LIPC: variants seen among roughly 807,000 people sequenced by gnomAD.
LIPC encodes the protein hepatic triacylglycerol lipase.
In LIPC, 44 loss-of-function variants were observed where a neutral mutation model predicts 50.7. The observed-to-expected ratio is 0.87, with a 90% CI of 0.68 to 1.11. LIPC has a LOEUF of 1.11. Among genes scored for constraint, LIPC ranks in the 50% most tolerant of loss-of-function variants. The probability of loss-of-function intolerance (pLI) is 0.00; values close to 1 mark genes in which losing one functional copy is unlikely to be tolerated. For missense variants in LIPC, 697 were observed against 648.2 expected, an observed-to-expected ratio of 1.08 and a Z score of -0.82; for synonymous variants, 271 against 256.4, an observed-to-expected ratio of 1.06 and a Z score of -0.54.
intron 1 of LIPC, among the ~76,000 whole-genome samples, chr15:58,478,091 A>G (rs1891059722): frequency 6.6e-6 from 1 of 152,072 alleles, no homozygotes; most frequent in African/African-American, 2.4e-5. Context: ...AGCTTGGCCC[A>G]TCCTAAAGCC....
intron 1 of LIPC, among the ~76,000 whole-genome samples, chr15:58,437,236 C>T (rs2140630103): frequency 6.6e-6 from 1 of 152,174 alleles, no homozygotes; most frequent in Middle Eastern, 3.4e-3. Context: ...GTGCCCAAGG[C>T]TGTGTGTGTG....
intron 1 of LIPC, among the ~76,000 whole-genome samples, chr15:58,449,351 A>T (rs1893819838): frequency 6.6e-6 from 1 of 152,140 alleles, no homozygotes; most frequent in African/African-American, 2.4e-5. Flanking sequence ...TCTCCTTCTC[A>T]TTTGATGGCT....
At chr15:58,467,164 A>C (rs1418853509) in intron 1 of LIPC, among the ~76,000 whole-genome samples, 1 of 152,202 alleles carries the variant, frequency 6.6e-6, no homozygotes, top group Non-Finnish European at 1.5e-5. Context: ...AATCCAGTAG[A>C]CCAATGAAGC....
rs11443674 is a variant in LIPC, at chr15:58,528,140, C to CAA, written c.89-10178_89-10177dup. ...GAGTGACAAGAGCAAAACTCTGTCT[C>CAA]AAAAAAAAAAAAAAAAGAATAACCT... On this transcript the variant is annotated intron_variant, in intron 1 of 8. Coordinates refer to ENST00000299022, the MANE Select transcript of LIPC (RefSeq NM_000236.3). 8.9e-3 allele frequency among the ~76,000 whole-genome samples: 1,219 copies of CAA among 137,694 alleles called. 11 individuals carry two copies. Among genetic ancestry groups the CAA allele is most frequent in the African/African-American group, 0.024 (879 of 36,992 alleles). 90.3% of individuals were successfully genotyped at this position (137,694 alleles called of 152,430 possible).
intron 1 of LIPC, among the ~76,000 whole-genome samples, chr15:58,502,376 C>T (rs1008397318): frequency 2.0e-5 from 3 of 152,056 alleles, no homozygotes; most frequent in Admixed American, 6.6e-5. Flanking sequence ...GCTGCCATCC[C>T]GAGTTTTACC....
At chr15:58,530,879 G>A (rs1254363379) in intron 1 of LIPC, among the ~76,000 whole-genome samples, 1 of 152,194 alleles carries the variant, frequency 6.6e-6, no homozygotes, top group African/African-American at 2.4e-5. Flanking sequence ...CCATTGGATG[G>A]ATATGCGACA....
chr15:58,444,252 A>G (rs1223255408), intron 1 of LIPC, among the ~76,000 whole-genome samples: 1 of 152,212 alleles, frequency 6.6e-6, no homozygotes, highest in Non-Finnish European at 1.5e-5. Context: ...GTGTTAAAGC[A>G]GGAAGAACTG....
At chr15:58,478,590 A>G (rs1891080665) in intron 1 of LIPC, among the ~76,000 whole-genome samples, 2 of 152,282 alleles carry the variant, frequency 1.3e-5, no homozygotes, top group Non-Finnish European at 2.9e-5. Flanking sequence ...AGGTATTACT[A>G]TGATTTATCC....
At chr15:58,565,031 G>C (rs4775080) in intron 8 of LIPC, 635,973 of 641,260 alleles carry the variant, frequency 0.99, 315,552 homozygotes, top group East Asian at 1. Context: ...ACCCTCTTCC[G>C]TCACCCCCTG....
chr15:58,519,303 C>T (rs1256263185), intron 1 of LIPC, among the ~76,000 whole-genome samples: 1 of 150,724 alleles, frequency 6.6e-6, no homozygotes, highest in South Asian at 2.1e-4. Flanking sequence ...CCCAGCTACT[C>T]GGGAGGCCAA....
At chr15:58,436,860 G>T (rs1302994963) in intron 1 of LIPC, 1 of 456,270 alleles carries the variant, frequency 2.2e-6, no homozygotes, top group African/African-American at 2.0e-5. Context: ...GAGGTACACA[G>T]CTGATAAAGT....
chr15:58,499,626 G>A (rs1223274311), intron 1 of LIPC, among the ~76,000 whole-genome samples: 3 of 152,104 alleles, frequency 2.0e-5, no homozygotes, highest in African/African-American at 4.8e-5. Context: ...CTTCCGCTCC[G>A]GTTTCTCTGA....
intron 2 of LIPC, among the ~76,000 whole-genome samples, chr15:58,541,484 G>A (rs1016942403): frequency 2.6e-5 from 4 of 151,898 alleles, no homozygotes; most frequent in East Asian, 3.9e-4. Context: ...AATTGTTCTC[G>A]GGAGGGGGCG....
At chr15:58,538,604 G>A (rs1893221775) in intron 2 of LIPC, 87 bp downstream of exon 2, 7 of 1,356,564 alleles carry the variant, frequency 5.2e-6, no homozygotes, top group Non-Finnish European at 1.1e-6. Context: ...AAAAAGATAG[G>A]GAGCTGGTGA....
At chr15:58,471,133 T>TC (rs1227859476) in intron 1 of LIPC, among the ~76,000 whole-genome samples, 6 of 138,992 alleles carry the variant, frequency 4.3e-5, no homozygotes, top group Admixed American at 7.0e-5. Flanking sequence ...TTTTCTTTTC[T>TC]CTTTTTTTTT....
chr15:58,500,108 T>A (rs747482776), intron 1 of LIPC, among the ~76,000 whole-genome samples: 12 of 151,946 alleles, frequency 7.9e-5, no homozygotes, highest in Admixed American at 1.3e-4. Context: ...GATCCCCACA[T>A]CCCTCAACAG....
chr15:58,553,759 T>G (rs1893837178), intron 6 of LIPC, among the ~76,000 whole-genome samples: 4 of 152,226 alleles, frequency 2.6e-5, no homozygotes, highest in Admixed American at 2.6e-4. Flanking sequence ...TCCCTTTTTC[T>G]TCTTCACTCG....
intron 1 of LIPC, among the ~76,000 whole-genome samples, chr15:58,509,618 A>G (rs1315394150): frequency 6.6e-6 from 1 of 152,132 alleles, no homozygotes; most frequent in Admixed American, 6.5e-5. Flanking sequence ...TTTTTAACAT[A>G]TAATAGCCAT....
chr15:58,478,461 G>A (rs146130750), intron 1 of LIPC, among the ~76,000 whole-genome samples: 587 of 152,114 alleles, frequency 3.9e-3, no homozygotes, highest in African/African-American at 0.013. Context: ...CTGGTCTCGA[G>A]CTCCTGACCT....
Sources: gnomAD v4.1 joint callset for allele counts (sites outside exome capture counted in the v4.1 genomes callset) on GRCh38, gnomAD v4.1.1 for gene constraint, MANE v1.5 for transcripts, NCBI Gene and HGNC (gene_info 2026-07-23, HGNC 2026-07-21) for gene names.